Variants in DPYD observed in about 807,000 individuals in gnomAD.
The protein encoded by DPYD is dihydropyrimidine dehydrogenase.
A neutral mutation model predicts 116.2 loss-of-function variants in DPYD; 109 were observed. The observed-to-expected ratio is 0.94, with a 90% CI of 0.80 to 1.10. The LOEUF is 1.10. Among genes scored for constraint, DPYD ranks in the 50% least tolerant of loss-of-function variants. The probability of loss-of-function intolerance (pLI) is 0.00; values close to 1 mark genes in which losing one functional copy is unlikely to be tolerated. For synonymous variants in DPYD, 440 were observed against 432.0 expected (o/e 1.02, Z -0.23); for missense variants, 1,302 against 1,254.5 (o/e 1.04, Z -0.57).
chr1:97,807,498 TTG>T (rs2101367343), intron 3 of DPYD, among the ~76,000 whole-genome samples: 1 of 152,252 alleles, frequency 6.6e-6, no homozygotes, highest in South Asian at 2.1e-4. Flanking sequence ...TATTTTCTTA[TTG>T]TTGGATTTTA....
chr1:97,515,457 A>G (rs1648145494), intron 13 of DPYD, among the ~76,000 whole-genome samples: 1 of 151,984 alleles, frequency 6.6e-6, no homozygotes, highest in African/African-American at 2.4e-5. Flanking sequence ...CAAAAATAAG[A>G]GTTTGAGATT....
chr1:97,558,327 G>A (rs1651897822), intron 11 of DPYD, among the ~76,000 whole-genome samples: 1 of 152,022 alleles, frequency 6.6e-6, no homozygotes, highest in South Asian at 2.1e-4. Context: ...TGGCATATAA[G>A]GGGAATCTAG....
At chr1:97,872,716 T>C (rs142496147) in intron 2 of DPYD, among the ~76,000 whole-genome samples, 1 of 151,952 alleles carries the variant, frequency 6.6e-6, no homozygotes, top group Admixed American at 6.6e-5. Context: ...TTTTAACATA[T>C]AACATGCACT....
intron 3 of DPYD, among the ~76,000 whole-genome samples, chr1:97,746,491 C>T (rs1359813511): frequency 6.6e-6 from 1 of 152,056 alleles, no homozygotes; most frequent in Non-Finnish European, 1.5e-5. Flanking sequence ...AAAGCTTGTC[C>T]TATTTTACTA....
chr1:97,893,429 CATATATATATATATATAT>C lies in DPYD; in HGVS notation c.40-10073_40-10056del, dbSNP rs59336649. 3.1e-3 allele frequency among the ~76,000 whole-genome samples: 222 copies of C among 71,908 alleles called. 2 individuals carry two copies. Among genetic ancestry groups the C allele is most frequent in the African/African-American group, 0.012 (215 of 17,500 alleles). 47.2% of individuals were successfully genotyped at this position (71,908 alleles called of 152,430 possible). On this transcript the variant is annotated intron_variant, in intron 1 of 22. Coordinates refer to ENST00000370192, the MANE Select transcript of DPYD (RefSeq NM_000110.4). The stretch of plus-strand genomic sequence containing the variant: ...CAAAAACAGATTTTAATATCCATCG[CATATATATATATATATAT>C]ATATATATATATATAGCAATGGAGA...
At chr1:97,457,139 T>C (rs1676732658) in intron 13 of DPYD, among the ~76,000 whole-genome samples, 1 of 152,000 alleles carries the variant, frequency 6.6e-6, no homozygotes, top group Non-Finnish European at 1.5e-5. Context: ...AAGAGCACAT[T>C]GTTCTAAAAT....
chr1:97,150,137 A>C (rs1357196763), intron 20 of DPYD, among the ~76,000 whole-genome samples: 1 of 152,014 alleles, frequency 6.6e-6, no homozygotes, highest in Non-Finnish European at 1.5e-5. Context: ...CTCATCCTTC[A>C]CATATCATTC....
chr1:97,905,487 C>G (rs1257668865), intron 1 of DPYD, among the ~76,000 whole-genome samples: 1 of 152,040 alleles, frequency 6.6e-6, no homozygotes, highest in South Asian at 2.1e-4. Flanking sequence ...AATCCCAAAA[C>G]CAATTCCAGT....
chr1:97,581,148 GCAACAACAA>G (rs370329631), intron 10 of DPYD, among the ~76,000 whole-genome samples: 4,086 of 149,908 alleles, frequency 0.027, 70 homozygotes, highest in African/African-American at 0.054. Flanking sequence ...TATTAAAAAT[GCAACAACAA>G]CAACAACAAC....
chr1:97,906,485 G>T (rs1673627162), intron 1 of DPYD, among the ~76,000 whole-genome samples: 1 of 151,964 alleles, frequency 6.6e-6, no homozygotes, highest in Non-Finnish European at 1.5e-5. Flanking sequence ...ACTCTAAGTG[G>T]TACTTAATAT....
At chr1:97,705,286 C>T (rs1333584626) in intron 5 of DPYD, among the ~76,000 whole-genome samples, 2 of 152,092 alleles carry the variant, frequency 1.3e-5, no homozygotes, top group Non-Finnish European at 2.9e-5. Flanking sequence ...TCCCCGCTCC[C>T]CCCAACCAAC....
chr1:97,206,116 C>T (rs143705512), intron 19 of DPYD, among the ~76,000 whole-genome samples: 2 of 151,626 alleles, frequency 1.3e-5, no homozygotes, highest in East Asian at 3.9e-4. Context: ...GGGAGGGGTA[C>T]GGAGCTTCCA....
rs1250181781 is a variant in DPYD, at chr1:97,425,963, A to C, written c.1905+24096T>G. On this transcript the variant is annotated intron_variant, in intron 14 of 22. Transcript: ENST00000370192. ...GTAAAGCAAACATTAAAAAAAAAAAACAACATTTGTCAGTTCTGAGTGGTT... is the reference window on the plus strand; with the variant it reads ...GTAAAGCAAACATTAAAAAAAAAAACCAACATTTGTCAGTTCTGAGTGGTT... 3.3e-5 allele frequency among the ~76,000 whole-genome samples: 5 copies of C among 151,258 alleles called. No homozygotes were observed. The East Asian group carries it at 9.7e-4, about 29-fold the overall frequency.
At chr1:97,831,395 C>T (rs913556235) in intron 2 of DPYD, among the ~76,000 whole-genome samples, 1 of 152,092 alleles carries the variant, frequency 6.6e-6, no homozygotes. Flanking sequence ...TAAAATTGAG[C>T]CAGCGGCCTC....
chr1:97,699,353 T>C lies in DPYD; in HGVS notation c.678A>G (p.Leu226=), dbSNP rs1661466544. Residue 226 remains leucine (L), a splice_region_variant and synonymous_variant, in exon 6 of 23, where the codon TTA becomes TTG. Coordinates refer to ENST00000370192, the MANE Select transcript of DPYD (RefSeq NM_000110.4). ...CATGAAATAAATGTAGGCATTACCT[T>C]AAACCACCAACATATTCTTGTTTTT... ...IFEKQEYVGG[L]STSEIPQFRL... is the part of the protein sequence containing the mutation. 6.2e-7 allele frequency: 1 copy of C among 1,613,244 alleles called. No homozygotes were observed. Among genetic ancestry groups the C allele is most frequent in the Non-Finnish European group, 8.5e-7 (1 of 1,179,404 alleles).
At chr1:97,833,030 A>T (rs543814275) in intron 2 of DPYD, among the ~76,000 whole-genome samples, 1 of 152,008 alleles carries the variant, frequency 6.6e-6, no homozygotes, top group Non-Finnish European at 1.5e-5. Context: ...AGCAAATTAC[A>T]TTATTAAATA....
At chr1:97,783,012 T>C (rs1357633450) in intron 3 of DPYD, among the ~76,000 whole-genome samples, 1 of 152,154 alleles carries the variant, frequency 6.6e-6, no homozygotes, top group Non-Finnish European at 1.5e-5. Context: ...GGTAGGAGTG[T>C]GTTGGAGAGA....
chr1:97,757,746 T>C (rs879664955), intron 3 of DPYD, among the ~76,000 whole-genome samples: 2 of 152,174 alleles, frequency 1.3e-5, no homozygotes, highest in Non-Finnish European at 2.9e-5. Context: ...ATATAAAGTA[T>C]TTATGATGCA....
At chr1:97,589,291 C>A (rs1388820555) in intron 10 of DPYD, among the ~76,000 whole-genome samples, 1 of 152,170 alleles carries the variant, frequency 6.6e-6, no homozygotes, top group African/African-American at 2.4e-5. Flanking sequence ...AAGCTTTGTG[C>A]CCCCACTCAA....
Sources: allele counts gnomAD v4.1 joint callset (sites outside exome capture counted in the v4.1 genomes callset), GRCh38; gene constraint gnomAD v4.1.1; transcripts MANE v1.5; gene names NCBI Gene and HGNC (gene_info 2026-07-23, HGNC 2026-07-21).